The following FSTL5 variants were observed in gnomAD, a reference collection of about 807,000 sequenced individuals.
FSTL5 encodes the protein follistatin like 5.
In FSTL5, 62 loss-of-function variants were observed where a neutral mutation model predicts 89.1. That is an observed-to-expected ratio of 0.70 (90% CI 0.57 to 0.86). The LOEUF is 0.86. Ranked by LOEUF, FSTL5 falls within the 40% of genes least tolerant of loss-of-function variation. The probability of loss-of-function intolerance (pLI) is 0.00; values close to 1 mark genes in which losing one functional copy is unlikely to be tolerated. For missense variants in FSTL5, 1,057 were observed against 1,001.6 expected (o/e 1.06, Z -0.75); for synonymous variants, 383 against 346.2 (o/e 1.11, Z -1.18).
chr4:161,588,872 T>A (rs182756666), intron 7 of FSTL5, among the ~76,000 whole-genome samples: 1 of 152,158 alleles, frequency 6.6e-6, no homozygotes, highest in Admixed American at 6.5e-5. Flanking sequence ...GACCTTATCC[T>A]GAGAGAATTG....
intron 10 of FSTL5, among the ~76,000 whole-genome samples, chr4:161,518,778 A>G (rs1730926066): frequency 1.3e-5 from 2 of 152,250 alleles, no homozygotes; most frequent in South Asian, 4.1e-4. Context: ...GCGTGTAACA[A>G]ACTGTCTCAA....
chr4:161,912,701 C>T (rs1733729489), intron 4 of FSTL5, among the ~76,000 whole-genome samples: 1 of 151,992 alleles, frequency 6.6e-6, no homozygotes, highest in African/African-American at 2.4e-5. Context: ...TGAAAAGATA[C>T]CAGAAAATGT....
chr4:162,101,926 G>T (rs571709135), intron 2 of FSTL5, among the ~76,000 whole-genome samples: 28 of 152,254 alleles, frequency 1.8e-4, no homozygotes, highest in African/African-American at 6.7e-4. Flanking sequence ...TCAATGATTA[G>T]AAAACATATC....
intron 13 of FSTL5, among the ~76,000 whole-genome samples, chr4:161,466,932 A>C (rs971486096): frequency 2.6e-5 from 4 of 152,050 alleles, no homozygotes; most frequent in Admixed American, 1.3e-4. Flanking sequence ...ATAATATGTA[A>C]TATTCAGTTT....
chr4:161,916,822 A>C (rs1733854417), intron 4 of FSTL5, among the ~76,000 whole-genome samples: 1 of 152,228 alleles, frequency 6.6e-6, no homozygotes, highest in Admixed American at 6.5e-5. Context: ...TAATAGAAAG[A>C]GGATATACAG....
intron 6 of FSTL5, among the ~76,000 whole-genome samples, chr4:161,740,058 C>T (rs915016678): frequency 6.6e-6 from 1 of 151,528 alleles, no homozygotes; most frequent in African/African-American, 2.4e-5. Context: ...TTGCTCTTGT[C>T]GCCCAGGCTG....
intron 14 of FSTL5, among the ~76,000 whole-genome samples, chr4:161,456,385 T>C (rs1222536448): frequency 6.6e-6 from 1 of 152,106 alleles, no homozygotes; most frequent in African/African-American, 2.4e-5. Flanking sequence ...TGACACCTAG[T>C]CTCTATTAAT....
intron 10 of FSTL5, among the ~76,000 whole-genome samples, chr4:161,531,082 T>A (rs1287371379): frequency 1.3e-5 from 2 of 152,190 alleles, no homozygotes; most frequent in African/African-American, 4.8e-5. Context: ...CTCTATTAAA[T>A]CTTAGTTATG....
intron 4 of FSTL5, among the ~76,000 whole-genome samples, chr4:161,843,430 T>A (rs1231076453): frequency 6.6e-6 from 1 of 152,204 alleles, no homozygotes; most frequent in African/African-American, 2.4e-5. Context: ...GTCCTCTTAT[T>A]TCCTTGAGCA....
chr4:161,669,149 G>T (rs1355950917), intron 6 of FSTL5, among the ~76,000 whole-genome samples: 5 of 146,978 alleles, frequency 3.4e-5, no homozygotes, highest in African/African-American at 5.0e-5. Context: ...AAAAGAAAAA[G>T]AAAAATAAAT....
At chr4:161,831,553 A>T (rs439472) in intron 4 of FSTL5, among the ~76,000 whole-genome samples, 3 of 151,910 alleles carry the variant, frequency 2.0e-5, no homozygotes, top group South Asian at 2.1e-4. Flanking sequence ...AAAACACATC[A>T]CGCTCATCAA....
intron 4 of FSTL5, among the ~76,000 whole-genome samples, chr4:161,912,900 C>A (rs1432987476): frequency 3.9e-5 from 6 of 152,136 alleles, no homozygotes; most frequent in Admixed American, 2.0e-4. Flanking sequence ...TAAGAAAATT[C>A]TTGGGAGTTG....
intron 12 of FSTL5, among the ~76,000 whole-genome samples, chr4:161,489,979 G>A (rs1394286611): frequency 2.0e-5 from 3 of 151,974 alleles, no homozygotes; most frequent in East Asian, 3.9e-4. Flanking sequence ...TTTTCATTTA[G>A]TGGGTATTTT....
chr4:161,663,021 T>C (rs1244121911), intron 6 of FSTL5, among the ~76,000 whole-genome samples: 2 of 152,090 alleles, frequency 1.3e-5, no homozygotes, highest in East Asian at 3.9e-4. Context: ...TCAGATCTCG[T>C]GAGACTTACT....
At chr4:162,149,201 G>T (rs1372240780) in intron 1 of FSTL5, among the ~76,000 whole-genome samples, 5 of 151,982 alleles carry the variant, frequency 3.3e-5, no homozygotes, top group Non-Finnish European at 7.4e-5. Context: ...CCATACAAAA[G>T]ATTCTTCCCA....
chr4:161,683,112 C>G (rs115935661), intron 6 of FSTL5, among the ~76,000 whole-genome samples: 557 of 152,168 alleles, frequency 3.7e-3, no homozygotes, highest in African/African-American at 0.012. Flanking sequence ...AGTAAATACA[C>G]AAATCAGTAA....
chr4:161,431,458 AAC>A (rs933688994), intron 15 of FSTL5, among the ~76,000 whole-genome samples: 6 of 151,706 alleles, frequency 4.0e-5, no homozygotes, highest in Non-Finnish European at 8.8e-5. Flanking sequence ...TAAAAAAAAA[AAC>A]AGATAAACAG....
chr4:161,392,928 C>G (rs945632833), intron 15 of FSTL5, among the ~76,000 whole-genome samples: 1 of 152,164 alleles, frequency 6.6e-6, no homozygotes, highest in Non-Finnish European at 1.5e-5. Flanking sequence ...CATTGGGATG[C>G]TGAGGTGGAT....
chr4:162,119,033 G>A (rs1283787912), intron 1 of FSTL5, among the ~76,000 whole-genome samples: 1 of 151,990 alleles, frequency 6.6e-6, no homozygotes, highest in African/African-American at 2.4e-5. Flanking sequence ...ACCAGACTGG[G>A]CAATATAGCA....
Sources: gnomAD v4.1 joint callset for allele counts (sites outside exome capture counted in the v4.1 genomes callset) on GRCh38, gnomAD v4.1.1 for gene constraint, MANE v1.5 for transcripts, NCBI Gene and HGNC (gene_info 2026-07-23, HGNC 2026-07-21) for gene names.